Variants in MAN1A1 observed in about 807,000 individuals in gnomAD.
The protein encoded by MAN1A1 is mannosidase alpha class 1A member 1.
Under a neutral mutation model 70.8 loss-of-function variants are expected in MAN1A1, and 29 were observed. The ratio of observed to expected loss-of-function variants is 0.41; its 90% CI spans 0.31 to 0.56. The LOEUF (loss-of-function observed/expected upper bound fraction) is 0.56, where lower values mean the gene tolerates loss of function less well. MAN1A1 is among the 20% of genes least tolerant of loss of function. The probability of loss-of-function intolerance (pLI) is 0.29; values close to 1 mark genes in which losing one functional copy is unlikely to be tolerated. For synonymous variants in MAN1A1, 349 were observed against 330.1 expected, an observed-to-expected ratio of 1.06 and a Z score of -0.62; for missense variants, 747 against 841.3, an observed-to-expected ratio of 0.89 and a Z score of 1.39.
chr6:119,280,161 C>T (rs1166168120), intron 5 of MAN1A1, among the ~76,000 whole-genome samples: 3 of 152,102 alleles, frequency 2.0e-5, no homozygotes, highest in Non-Finnish European at 2.9e-5. Flanking sequence ...TACTCCTGTC[C>T]ATTCTTTCAA....
chr6:119,196,133 G>A (rs77588167), intron 8 of MAN1A1, among the ~76,000 whole-genome samples: 6,668 of 152,204 alleles, frequency 0.044, 201 homozygotes, highest in East Asian at 0.082. Context: ...GAAAACCAAT[G>A]GCCAGAAGCA....
chr6:119,297,809 G>GTT (rs1459150145), intron 4 of MAN1A1, among the ~76,000 whole-genome samples: 1 of 95,708 alleles, frequency 1.0e-5, no homozygotes, highest in Non-Finnish European at 2.0e-5. Flanking sequence ...GTTTTGTTTT[G>GTT]TTTTTTAAAT....
intron 2 of MAN1A1, among the ~76,000 whole-genome samples, chr6:119,333,117 A>C (rs1773361729): frequency 6.6e-6 from 1 of 152,206 alleles, no homozygotes; most frequent in African/African-American, 2.4e-5. Context: ...GTTTTGGAAA[A>C]CACTAGCAAC....
chr6:119,349,698 A>G lies in MAN1A1; in HGVS notation c.-379T>C, dbSNP rs2114522486. 5.1e-6 allele frequency: 5 copies of G among 985,804 alleles called. No homozygotes were observed. The highest frequency in any genetic ancestry group is 6.0e-6 in the Non-Finnish European group (5 of 830,046). 61.1% of individuals were successfully genotyped at this position (985,804 alleles called of 1,614,324 possible). Reference sequence around the variant, plus strand: ...GCGGCTCAGGTGGGCGAGCGCGCCGACCTGCGGGCGAATGGCAGCGAGTAG... The same window carrying G: ...GCGGCTCAGGTGGGCGAGCGCGCCGGCCTGCGGGCGAATGGCAGCGAGTAG... On this transcript the variant is annotated 5_prime_UTR_variant, in exon 1 of 13. Coordinates refer to ENST00000368468, the MANE Select transcript of MAN1A1 (RefSeq NM_005907.4).
intron 6 of MAN1A1, among the ~76,000 whole-genome samples, chr6:119,246,600 T>C (rs1298510515): frequency 6.6e-6 from 1 of 152,164 alleles, no homozygotes; most frequent in East Asian, 1.9e-4. Context: ...TTTAGTGTAC[T>C]ACTATGCCCA....
chr6:119,256,671 T>A (rs995731885), intron 5 of MAN1A1, among the ~76,000 whole-genome samples: 2 of 152,124 alleles, frequency 1.3e-5, no homozygotes, highest in African/African-American at 4.8e-5. Flanking sequence ...TCAGGAGCCC[T>A]AGGTTCTGGT....
intron 5 of MAN1A1, 137 bp downstream of exon 5, chr6:119,290,546 A>G (rs1159452817): frequency 1.7e-6 from 1 of 597,250 alleles, no homozygotes; most frequent in East Asian, 2.9e-5. Context: ...TAAGAAACTC[A>G]GTGTAAGCTA....
chr6:119,196,003 G>T (rs972374942), intron 8 of MAN1A1, among the ~76,000 whole-genome samples: 1 of 152,112 alleles, frequency 6.6e-6, no homozygotes, highest in East Asian at 1.9e-4. Context: ...ACACATGCAA[G>T]TGATGCGTGG....
chr6:119,237,284 A>C (rs1302408669), intron 6 of MAN1A1, among the ~76,000 whole-genome samples: 1 of 152,208 alleles, frequency 6.6e-6, no homozygotes. Flanking sequence ...CGTGTGGAAA[A>C]TGCCATAAAA....
chr6:119,300,502 C>T lies in MAN1A1; in HGVS notation c.816+1486G>A, dbSNP rs148333829. 5.8e-3 allele frequency among the ~76,000 whole-genome samples: 885 copies of T among 152,210 alleles called. 28 individuals carry two copies. The East Asian group carries it at 0.089, about 15-fold the overall frequency. ...AACTCCTGACATCGTGATCCAACTGCCTCGACCTCCCAAAGTGCTGGGATT... is the reference window on the plus strand; with the variant it reads ...AACTCCTGACATCGTGATCCAACTGTCTCGACCTCCCAAAGTGCTGGGATT... On this transcript the variant is annotated intron_variant, in intron 4 of 12. Transcript: ENST00000368468.
At chr6:119,207,811 T>C (rs182096716) in intron 6 of MAN1A1, among the ~76,000 whole-genome samples, 3 of 152,238 alleles carry the variant, frequency 2.0e-5, no homozygotes, top group East Asian at 1.9e-4. Context: ...TCAGCTCCCT[T>C]GGTCTGGTGG....
At chr6:119,315,484 C>T (rs927750751) in intron 2 of MAN1A1, among the ~76,000 whole-genome samples, 2 of 152,130 alleles carry the variant, frequency 1.3e-5, no homozygotes, top group African/African-American at 2.4e-5. Context: ...GTTTCCAGTT[C>T]TAGCTAAAAA....
intron 5 of MAN1A1, among the ~76,000 whole-genome samples, chr6:119,278,064 T>C (rs1776126385): frequency 6.6e-6 from 1 of 150,756 alleles, no homozygotes; most frequent in South Asian, 2.1e-4. Context: ...CAGGATTCCT[T>C]GAGCCCAGGA....
At chr6:119,180,632 C>G (rs185483756) in intron 11 of MAN1A1, among the ~76,000 whole-genome samples, 1 of 152,140 alleles carries the variant, frequency 6.6e-6, no homozygotes, top group Non-Finnish European at 1.5e-5. Context: ...CCTGCCTCAG[C>G]CTCCCAAGTA....
intron 11 of MAN1A1, among the ~76,000 whole-genome samples, chr6:119,185,582 C>T (rs192889987): frequency 0.19 from 29,263 of 151,852 alleles, 3,006 homozygotes; most frequent in East Asian, 0.31. Context: ...GCCAGTTTTT[C>T]TTTATTTTTT....
chr6:119,214,439 G>C (rs1022359900), intron 6 of MAN1A1, among the ~76,000 whole-genome samples: 8 of 152,132 alleles, frequency 5.3e-5, no homozygotes, highest in Non-Finnish European at 8.8e-5. Context: ...TGTCAGTGTT[G>C]ACAGAAATAA....
chr6:119,235,691 T>C (rs1774823532), intron 6 of MAN1A1, among the ~76,000 whole-genome samples: 1 of 152,248 alleles, frequency 6.6e-6, no homozygotes, highest in Non-Finnish European at 1.5e-5. Flanking sequence ...AACAGCCTTC[T>C]GCTGGAAGAA....
At position 119,309,352 on chromosome 6, in the gene MAN1A1, T is replaced by C. The variant is rs527240503; in HGVS notation, c.604-2360A>G. ...TCAGATTTACGACTTACACAAATAT[T>C]TGAAACATCAAAAGGCTACCAGCTT... is the stretch of plus-strand genomic sequence containing the variant. On this transcript the variant is annotated intron_variant, in intron 2 of 12. Transcript: ENST00000368468. 4.6e-5 allele frequency among the ~76,000 whole-genome samples: 7 copies of C among 152,286 alleles called. No homozygotes were observed. The South Asian group carries it at 1.5e-3, about 32-fold the overall frequency.
chr6:119,251,650 TGTG>T (rs1775320970), intron 5 of MAN1A1, among the ~76,000 whole-genome samples: 1 of 152,200 alleles, frequency 6.6e-6, no homozygotes. Context: ...AACGTTTTAT[TGTG>T]TTTTCTCTCA....
Sources: gnomAD v4.1 joint callset for allele counts (sites outside exome capture counted in the v4.1 genomes callset) on GRCh38, gnomAD v4.1.1 for gene constraint, MANE v1.5 for transcripts, NCBI Gene and HGNC (gene_info 2026-07-23, HGNC 2026-07-21) for gene names.